Variants in YBX1 observed in about 807,000 individuals in gnomAD.
YBX1 encodes the protein Y-box-binding protein 1.
Under a neutral mutation model 41.4 loss-of-function variants are expected in YBX1, and 3 were observed. The ratio of observed to expected loss-of-function variants is 0.07; its 90% confidence interval spans 0.03 to 0.19. The LOEUF is 0.19. Among genes scored for constraint, YBX1 ranks in the 10% least tolerant of loss-of-function variants. YBX1 has a pLI of 1.00. For missense variants in YBX1, 274 were observed against 462.8 expected (o/e 0.59, Z 3.74); for synonymous variants, 133 against 165.8 (o/e 0.80, Z 1.52).
chr1:42,693,654 T>G (rs1650394079), intron 3 of YBX1, 131 bp downstream of exon 3: 1 of 825,272 alleles, frequency 1.2e-6, no homozygotes, highest in African/African-American at 1.7e-5. Flanking sequence ...ACGACAGGAG[T>G]AGTAGCATGC....
At position 42,682,654 on chromosome 1, in the gene YBX1, C is replaced by G. The variant is rs11558135; in HGVS notation, c.89C>G (p.Thr30Arg). 2.2e-6 allele frequency: 3 copies of G among 1,343,218 alleles called. No homozygotes were observed. Among genetic ancestry groups the G allele is most frequent in the Non-Finnish European group, 2.8e-6 (3 of 1,055,622 alleles). The allele number at this position is 1,343,218 out of a possible 1,614,324, so 83.2% of individuals were successfully genotyped here. The change falls in exon 1 of 8, where the codon ACG becomes AGG. Residue 30 changes from threonine (T) to arginine (R), a missense_variant. Physicochemically the swap from Thr to Arg is moderately conservative, Grantham distance 71. Transcript: ENST00000321358. ...GCCGCCGACACCAAGCCCGGCACTA[C>G]GGGCAGCGGCGCAGGGAGCGGTGGC... ...LSAADTKPGT[T>R]GSGAGSGGPG...
chr1:42,697,637 C>A (rs1046544310), intron 6 of YBX1, among the ~76,000 whole-genome samples: 1 of 152,148 alleles, frequency 6.6e-6, no homozygotes, highest in African/African-American at 2.4e-5. Context: ...CATACATTAT[C>A]TTCCACTAAA....
chr1:42,700,782 G>T lies in YBX1; in HGVS notation c.742G>T (p.Gly248Cys), dbSNP rs1194717593. The T allele has an allele frequency of 1.2e-6, 2 of 1,609,798 alleles. No individual in the cohort carries two copies. The highest frequency in any genetic ancestry group is 1.7e-6 in the Non-Finnish European group (2 of 1,178,788). ...TAAGTTTGACACCGTTCATTGCAGG[G>T]GCCCTCCTCGCCAAAGACAGCCTAG... ...YRGYRPRFRR[G>C]PPRQRQPRED... is the part of the protein sequence containing the mutation. The change falls in exon 7 of 8, where the codon GGC becomes TGC. Residue 248 changes from glycine (G) to cysteine (C), a missense_variant and splice_region_variant. Coordinates refer to ENST00000321358, the MANE Select transcript of YBX1 (RefSeq NM_004559.5).
chr1:42,696,300 T>C lies in YBX1; in HGVS notation c.354+12T>C. ...TTGAAGGAGAAAAGGTGAGGATGCTTTTTGTGTAAAGGTTTGACTTCAGTA... is the reference window on the plus strand; with the variant it reads ...TTGAAGGAGAAAAGGTGAGGATGCTCTTTGTGTAAAGGTTTGACTTCAGTA... On this transcript the variant is annotated intron_variant, in intron 4 of 7. Transcript: ENST00000321358. This position sits in a 1 kb window ranked among gnomAD's most constrained non-coding sequence, Gnocchi z 5.7. 4 of 1,611,392 alleles carry C rather than the reference T, an allele frequency of 2.5e-6. No individual in the cohort carries two copies. Among genetic ancestry groups the C allele is most frequent in the Non-Finnish European group, 3.4e-6 (4 of 1,178,840 alleles).
chr1:42,695,331 A>C (rs905041677), intron 3 of YBX1, among the ~76,000 whole-genome samples: 1 of 152,232 alleles, frequency 6.6e-6, no homozygotes, highest in Non-Finnish European at 1.5e-5. Context: ...TGGAGTGAAC[A>C]TGGGATTTGG....
At position 42,699,237 on chromosome 1, in the gene YBX1, A is replaced by G. The variant is rs557855320; in HGVS notation, c.741-1544A>G. Among the ~76,000 whole-genome samples the G allele has an allele frequency of 1.5e-4, 23 of 152,310 alleles. No homozygotes were observed. In the East Asian group the frequency reaches 4.1e-3, roughly 27 times the overall value. ...TTTCCTGTGTAAGAAACAAGAATAC[A>G]TGGGCACGCATGTGTTAATGGGAAG... On this transcript the variant is annotated intron_variant, in intron 6 of 7. Transcript: ENST00000321358.
At chr1:42,687,473 G>C (rs1275470382) in intron 2 of YBX1, among the ~76,000 whole-genome samples, 1 of 152,018 alleles carries the variant, frequency 6.6e-6, no homozygotes, top group Admixed American at 6.6e-5. Context: ...GTGGAAACAG[G>C]GTTTCTCCAT....
intron 2 of YBX1, among the ~76,000 whole-genome samples, chr1:42,691,230 CAATACTGTTTTTACTGTCATGACACTGG>C (rs1403768769): frequency 6.6e-6 from 1 of 152,156 alleles, no homozygotes; most frequent in East Asian, 1.9e-4. Flanking sequence ...ATTCCTTTTG[CAATACTGTTTTTACTGTCATGACACTGG>C]TCAGTGAACT....
intron 3 of YBX1, among the ~76,000 whole-genome samples, chr1:42,695,769 G>C (rs1198177796): frequency 6.6e-6 from 1 of 152,206 alleles, no homozygotes; most frequent in Non-Finnish European, 1.5e-5. Flanking sequence ...GGGCAAAGTT[G>C]GTTTGGTCAG....
At chr1:42,695,435 T>A (rs1400767780) in intron 3 of YBX1, among the ~76,000 whole-genome samples, 1 of 152,188 alleles carries the variant, frequency 6.6e-6, no homozygotes, top group African/African-American at 2.4e-5. Flanking sequence ...ATCTGTGTAA[T>A]GGGATTAACA....
chr1:42,689,501 T>G (rs1650278643), intron 2 of YBX1, among the ~76,000 whole-genome samples: 1 of 152,218 alleles, frequency 6.6e-6, no homozygotes, highest in African/African-American at 2.4e-5. Flanking sequence ...ATAATAAGTC[T>G]TATTTAAGGC....
chr1:42,698,656 T>C (rs1338163915), intron 6 of YBX1, among the ~76,000 whole-genome samples: 1 of 152,222 alleles, frequency 6.6e-6, no homozygotes, highest in Non-Finnish European at 1.5e-5. Flanking sequence ...TTTGTCTTTA[T>C]ATTGACAAAC....
At chr1:42,683,243 G>A (rs1038754592) in intron 1 of YBX1, 160 bp from the exon 2 acceptor site, 4 of 817,080 alleles carry the variant, frequency 4.9e-6, no homozygotes, top group South Asian at 1.4e-5. Flanking sequence ...CGTGTGCGGC[G>A]GCGGCGGCGA....
chr1:42,687,689 T>C (rs1304170584), intron 2 of YBX1, among the ~76,000 whole-genome samples: 1 of 152,150 alleles, frequency 6.6e-6, no homozygotes, highest in African/African-American at 2.4e-5. Context: ...CATATGGGTC[T>C]TGCACTCCTG....
intron 1 of YBX1, chr1:42,683,159 G>A (rs1650095211): frequency 3.1e-6 from 2 of 650,536 alleles, no homozygotes; most frequent in Non-Finnish European, 2.8e-6. Flanking sequence ...TCCGTCCGCG[G>A]CCTGCGCACA....
At chr1:42,695,487 A>G (rs1197725651) in intron 3 of YBX1, among the ~76,000 whole-genome samples, 3 of 152,242 alleles carry the variant, frequency 2.0e-5, no homozygotes, top group African/African-American at 7.2e-5. Flanking sequence ...TTGAATAGAT[A>G]GTAAGTGAAA....
chr1:42,696,996 T>A lies in YBX1; in HGVS notation c.657+52T>A, dbSNP rs752394304. ...TGTGATAAGTTCTGGTAGGACTGTT[T>A]AGAGCTGTTAATTATATGGAAAGCA... is the stretch of plus-strand genomic sequence containing the variant. On this transcript the variant is annotated intron_variant, in intron 5 of 7. Transcript: ENST00000321358. This position sits in a 1 kb window ranked among gnomAD's most constrained non-coding sequence, Gnocchi z 5.7. The A allele has an allele frequency of 6.7e-7, 1 of 1,503,128 alleles. No homozygotes were observed. 93.1% of individuals were successfully genotyped at this position (1,503,128 alleles called of 1,614,324 possible). A position where few individuals can be genotyped will look rare whatever the true frequency, so the allele number is the denominator to read the frequency against.
At position 42,703,373 on chromosome 1, in the gene YBX1, G is replaced by A. The variant is rs1001375760; in HGVS notation, c.*1424G>A. 2.0e-5 allele frequency among the ~76,000 whole-genome samples: 3 copies of A among 152,158 alleles called. No individual in the cohort carries two copies. Among genetic ancestry groups the A allele is most frequent in the African/African-American group, 4.8e-5 (2 of 41,512 alleles). ...CCAGGGGAAGCAGACAGTAGGGGTC[G>A]GGAGTAGGCCAGAGTGGCACATCAG... On this transcript the variant is annotated 3_prime_UTR_variant, in exon 8 of 8. Coordinates refer to ENST00000321358, the MANE Select transcript of YBX1 (RefSeq NM_004559.5).
chr1:42,689,792 T>C (rs1650285735), intron 2 of YBX1, among the ~76,000 whole-genome samples: 1 of 152,192 alleles, frequency 6.6e-6, no homozygotes, highest in African/African-American at 2.4e-5. Context: ...GCCTTTGTTT[T>C]CCCATTTTGA....
Sources: allele counts gnomAD v4.1 joint callset (sites outside exome capture counted in the v4.1 genomes callset), GRCh38; gene constraint gnomAD v4.1.1; non-coding constraint Gnocchi (gnomAD v3.1); transcripts MANE v1.5; gene names NCBI Gene and HGNC (gene_info 2026-07-23, HGNC 2026-07-21).